The following NEK6 variants were observed in gnomAD, a reference collection of about 807,000 sequenced individuals.
NEK6 encodes serine/threonine-protein kinase Nek6.
A neutral mutation model predicts 43.5 loss-of-function variants in NEK6; 27 were observed. The observed-to-expected ratio is 0.62, with a 90% CI of 0.46 to 0.86. NEK6 has a LOEUF of 0.86. NEK6 is among the 40% of genes least tolerant of loss of function. The pLI is 0.00. For missense variants in NEK6, 318 were observed against 414.4 expected (o/e 0.77, Z 2.02); for synonymous variants, 167 against 164.1 (o/e 1.02, Z -0.14).
In NEK6 at chr9:124,288,923, C is replaced by T. The variant is rs553590603; in HGVS notation, c.-29-13013C>T. Among the ~76,000 whole-genome samples the T allele has an allele frequency of 2.6e-5, 4 of 152,272 alleles. No homozygotes were observed. In the East Asian group the frequency reaches 5.8e-4, roughly 22 times the overall value. Reference sequence around the variant, plus strand: ...CTTCATTGCCCCACGTTGAAATTAACGGCCCCTTCTGTGATTCAGCAACGC... The same window carrying T: ...CTTCATTGCCCCACGTTGAAATTAATGGCCCCTTCTGTGATTCAGCAACGC... On this transcript the variant is annotated intron_variant, in intron 1 of 9. Coordinates refer to ENST00000320246, the MANE Select transcript of NEK6 (RefSeq NM_014397.6).
intron 4 of NEK6, among the ~76,000 whole-genome samples, chr9:124,315,877 T>C (rs1236206678): frequency 6.6e-6 from 1 of 152,202 alleles, no homozygotes; most frequent in Non-Finnish European, 1.5e-5. Flanking sequence ...AGGCCAGCCA[T>C]GGGCCTCTCA....
At chr9:124,341,845 G>A (rs1466858464) in intron 8 of NEK6, among the ~76,000 whole-genome samples, 1 of 152,224 alleles carries the variant, frequency 6.6e-6, no homozygotes, top group Non-Finnish European at 1.5e-5. Context: ...TGAGACAGGA[G>A]GAAACCTGCT....
intron 1 of NEK6, among the ~76,000 whole-genome samples, chr9:124,277,965 T>C (rs564482295): frequency 2.0e-5 from 3 of 152,212 alleles, no homozygotes; most frequent in Non-Finnish European, 4.4e-5. Context: ...AGTGAAGCTG[T>C]GAGAAGGGGC....
rs553131607 is a variant in NEK6, at chr9:124,327,786, A to T, written c.622+341A>T. 5.3e-5 allele frequency among the ~76,000 whole-genome samples: 8 copies of T among 152,208 alleles called. No individual in the cohort carries two copies. In the South Asian group the frequency reaches 1.5e-3, roughly 28 times the overall value. On this transcript the variant is annotated intron_variant, in intron 7 of 9. Coordinates refer to ENST00000320246, the MANE Select transcript of NEK6 (RefSeq NM_014397.6). ...CGTTCACGGGCAGCACCCTTGGTCC[A>T]TCCCTCCTAGGGGGTGGACATTTGC...
intron 7 of NEK6, among the ~76,000 whole-genome samples, chr9:124,329,185 C>T (rs141855995): frequency 2.6e-5 from 4 of 152,218 alleles, no homozygotes; most frequent in African/African-American, 9.7e-5. Flanking sequence ...CAAACATTTA[C>T]TTCCCTTGTG....
intron 7 of NEK6, among the ~76,000 whole-genome samples, chr9:124,330,965 A>G (rs1160033000): frequency 6.6e-6 from 1 of 152,118 alleles, no homozygotes; most frequent in East Asian, 1.9e-4. Context: ...TTCAAAAAAC[A>G]TTTTGTTTTT....
chr9:124,328,909 C>G (rs1263597614), intron 7 of NEK6, among the ~76,000 whole-genome samples: 2 of 152,138 alleles, frequency 1.3e-5, no homozygotes, highest in Admixed American at 6.5e-5. Flanking sequence ...GACCCACCCC[C>G]CAGGGAGTAT....
intron 4 of NEK6, among the ~76,000 whole-genome samples, chr9:124,320,275 C>T (rs148186616): frequency 3.7e-4 from 56 of 152,246 alleles, no homozygotes; most frequent in East Asian, 3.7e-3. Context: ...AGAGGATGGA[C>T]GCATGGGGAG....
chr9:124,309,435 G>A (rs1028548787), intron 2 of NEK6, among the ~76,000 whole-genome samples: 1 of 152,156 alleles, frequency 6.6e-6, no homozygotes, highest in Non-Finnish European at 1.5e-5. Context: ...TAAGAAGCCT[G>A]GTCTTCCAGG....
chr9:124,333,938 C>T (rs1829156256), intron 7 of NEK6, among the ~76,000 whole-genome samples: 1 of 152,132 alleles, frequency 6.6e-6, no homozygotes, highest in African/African-American at 2.4e-5. Context: ...CCACCACACC[C>T]GGCTGATTTT....
At chr9:124,342,634 C>G (rs902515169) in intron 8 of NEK6, among the ~76,000 whole-genome samples, 5 of 152,276 alleles carry the variant, frequency 3.3e-5, no homozygotes, top group African/African-American at 1.2e-4. Flanking sequence ...CCACATTTCC[C>G]TTTTTGCTTT....
chr9:124,286,355 C>G (rs1832158692), intron 1 of NEK6: 1 of 152,232 alleles, frequency 6.6e-6, no homozygotes, highest in Non-Finnish European at 1.5e-5. Context: ...GTCCCGGAAC[C>G]AATCCCCCAG....
At chr9:124,321,684 C>T (rs1417924113) in intron 5 of NEK6, 115 bp downstream of exon 5, 5 of 698,818 alleles carry the variant, frequency 7.2e-6, no homozygotes, top group African/African-American at 7.1e-5. Context: ...GGCGGCCACC[C>T]GGGGACCCTG....
At position 124,340,913 on chromosome 9, in the gene NEK6, G is replaced by A. The variant is rs544465656; in HGVS notation, c.717+1248G>A. On this transcript the variant is annotated intron_variant, in intron 8 of 9. Transcript: ENST00000320246. ...CACCGCTGGGCCACGTGGGACCCGC[G>A]GCCGCTCTCGTGGCCAGGGGGTCTT... Among the ~76,000 whole-genome samples, 8 of 152,378 alleles carry A rather than the reference G, an allele frequency of 5.3e-5. No homozygotes were observed. In the East Asian group the frequency reaches 5.8e-4, roughly 11 times the overall value.
intron 1 of NEK6, among the ~76,000 whole-genome samples, chr9:124,276,301 G>A (rs1831648043): frequency 6.6e-6 from 1 of 152,252 alleles, no homozygotes; most frequent in South Asian, 2.1e-4. Context: ...ATGGGTGACT[G>A]GGGCAAGGGT....
intron 1 of NEK6, among the ~76,000 whole-genome samples, chr9:124,297,486 G>A (rs1436220562): frequency 3.9e-5 from 6 of 152,182 alleles, no homozygotes; most frequent in African/African-American, 1.4e-4. Flanking sequence ...ACTGAACCCT[G>A]AGGCTTCTCC....
chr9:124,342,266 C>G (rs1030212144), intron 8 of NEK6, among the ~76,000 whole-genome samples: 2 of 152,226 alleles, frequency 1.3e-5, no homozygotes, highest in Admixed American at 1.3e-4. Context: ...AAGAGACAGG[C>G]GTTCTAGGTC....
In NEK6 at chr9:124,326,202, T is replaced by TCCCCCCCCCCCCCCCC. The variant is rs61223297; in HGVS notation, c.406-117_406-116insCCCCCCCCCCCCCCCC. On this transcript the variant is annotated intron_variant, in intron 5 of 9. Transcript: ENST00000320246. This position sits in a 1 kb window ranked among gnomAD's most constrained non-coding sequence, Gnocchi z 4.5. The stretch of plus-strand genomic sequence containing the variant: ...GCTTATTGTTTGCTCAGTGGCTCAA[T>TCCCCCCCCCCCCCCCC]CCCCCCCCCCCGCCCCTGCCAGGCA... The TCCCCCCCCCCCCCCCC allele has an allele frequency of 8.7e-4, 109 of 125,206 alleles. 21 individuals carry two copies. Among genetic ancestry groups the TCCCCCCCCCCCCCCCC allele is most frequent in the South Asian group, 2.0e-3 (31 of 15,394 alleles). The allele number at this position is 125,206 out of a possible 1,614,324, so 7.8% of individuals were successfully genotyped here. A position where few individuals can be genotyped will look rare whatever the true frequency, so the allele number is the denominator to read the frequency against.
Position 124,326,521 on chromosome 9 carries a change from G to T in NEK6, c.514+83G>T. 9.6e-7 allele frequency: 1 copy of T among 1,043,150 alleles called. No homozygotes were observed. The highest frequency in any genetic ancestry group is 1.5e-6 in the Non-Finnish European group (1 of 681,158). The allele number at this position is 1,043,150 out of a possible 1,614,324, so 64.6% of individuals were successfully genotyped here. On this transcript the variant is annotated intron_variant, in intron 6 of 9. Coordinates refer to ENST00000320246, the MANE Select transcript of NEK6 (RefSeq NM_014397.6). This position sits in a 1 kb window ranked among gnomAD's most constrained non-coding sequence, Gnocchi z 4.5. ...CTCATGGCTCCTCCAGGGTCCTCAG[G>T]GGCAGCCCCTTGAGGAAGTTGGACC...
Sources: gnomAD v4.1 joint callset for allele counts (sites outside exome capture counted in the v4.1 genomes callset) on GRCh38, gnomAD v4.1.1 for gene constraint, Gnocchi (gnomAD v3.1) non-coding constraint, MANE v1.5 for transcripts, NCBI Gene and HGNC (gene_info 2026-07-23, HGNC 2026-07-21) for gene names.